The following PIWIL2 variants were observed in gnomAD, a reference collection of about 807,000 sequenced individuals.
PIWIL2 encodes piwi like RNA-mediated gene silencing 2, also known as piwi-like protein 2.
Under a neutral mutation model 116.5 loss-of-function variants are expected in PIWIL2, and 81 were observed. The observed-to-expected ratio is 0.70, with a 90% CI of 0.58 to 0.84. The LOEUF (loss-of-function observed/expected upper bound fraction) is 0.84. Ranked by LOEUF, PIWIL2 falls within the 40% of genes least tolerant of loss-of-function variation. PIWIL2 has a pLI of 0.00. For synonymous variants in PIWIL2, 489 were observed against 429.5 expected (o/e 1.14, Z -1.71); for missense variants, 1,272 against 1,212.3 (o/e 1.05, Z -0.73).
Position 22,304,274 on chromosome 8 carries a change from A to G in PIWIL2, c.1370+65A>G, listed in dbSNP as rs1230785529. 3 of 1,030,744 alleles carry G rather than the reference A, an allele frequency of 2.9e-6. No homozygotes were observed. In the African/African-American group the frequency reaches 4.8e-5, roughly 16 times the overall value. The allele number at this position is 1,030,744 out of a possible 1,614,324, so 63.8% of individuals were successfully genotyped here. A position where few individuals can be genotyped will look rare whatever the true frequency, so the allele number is the denominator to read the frequency against. The stretch of plus-strand genomic sequence containing the variant: ...TTGGATGTAGTCCACGTTCTCCAGC[A>G]GATATTGAGTTCTGCAATAGCATAC... On this transcript the variant is annotated intron_variant, in intron 11 of 22. Transcript: ENST00000356766.
intron 7 of PIWIL2, 59 bp downstream of exon 7, chr8:22,287,704 T>C: frequency 9.0e-7 from 1 of 1,105,522 alleles, no homozygotes; most frequent in Non-Finnish European, 1.4e-6. Flanking sequence ...TGGCGTTTTT[T>C]GTTTGGTTTT....
chr8:22,326,217 A>G (rs1482289131), intron 20 of PIWIL2, among the ~76,000 whole-genome samples: 1 of 152,088 alleles, frequency 6.6e-6, no homozygotes, highest in Non-Finnish European at 1.5e-5. Context: ...GCTTTAAAAA[A>G]AAAAAAAATT....
At chr8:22,325,094 A>G (rs776204830) in intron 20 of PIWIL2, among the ~76,000 whole-genome samples, 1 of 152,196 alleles carries the variant, frequency 6.6e-6, no homozygotes, top group South Asian at 2.1e-4. Context: ...TAGGAATACT[A>G]CATCAGGTAG....
At chr8:22,288,446 T>G (rs1830680571) in intron 7 of PIWIL2, 96 bp from the exon 8 acceptor site, 3 of 897,654 alleles carry the variant, frequency 3.3e-6, no homozygotes, top group Admixed American at 2.7e-5. Context: ...TTAAGATACT[T>G]TAGTGTTCTT....
At chr8:22,340,886 AT>A (rs1171118924) in intron 20 of PIWIL2, among the ~76,000 whole-genome samples, 2 of 151,826 alleles carry the variant, frequency 1.3e-5, no homozygotes, top group African/African-American at 2.4e-5. Context: ...TAATTTTTTA[AT>A]TTTTTTGTAA....
At chr8:22,312,039 G>A (rs1831344959) in intron 16 of PIWIL2, among the ~76,000 whole-genome samples, 3 of 151,996 alleles carry the variant, frequency 2.0e-5, no homozygotes, top group Non-Finnish European at 2.9e-5. Flanking sequence ...TGAGGTGGGC[G>A]GGTTGCTTGA....
intron 20 of PIWIL2, among the ~76,000 whole-genome samples, chr8:22,350,489 A>G (rs1298492812): frequency 6.6e-6 from 1 of 151,990 alleles, no homozygotes; most frequent in Non-Finnish European, 1.5e-5. Context: ...CCAGCTACTC[A>G]GGAGGCTGAG....
At chr8:22,323,165 T>TTTG (rs1831643428) in intron 20 of PIWIL2, among the ~76,000 whole-genome samples, 1 of 146,930 alleles carries the variant, frequency 6.8e-6, no homozygotes, top group African/African-American at 2.5e-5. Context: ...TTTTTTTTTT[T>TTTG]GAGACAGAGT....
intron 20 of PIWIL2, among the ~76,000 whole-genome samples, chr8:22,340,106 G>T (rs573030242): frequency 4.5e-4 from 56 of 123,754 alleles, no homozygotes; most frequent in African/African-American, 1.6e-3. Flanking sequence ...AGGCTGAAGT[G>T]CAATGGTGCA....
intron 20 of PIWIL2, among the ~76,000 whole-genome samples, chr8:22,323,384 G>A (rs753666104): frequency 4.1e-4 from 63 of 152,032 alleles, no homozygotes; most frequent in South Asian, 8.3e-4. Context: ...CTGACCTCGT[G>A]ATCCGCCGGC....
chr8:22,334,267 G>T (rs755952265), intron 20 of PIWIL2, among the ~76,000 whole-genome samples: 5 of 151,814 alleles, frequency 3.3e-5, no homozygotes, highest in Admixed American at 6.6e-5. Context: ...GAGACACCAC[G>T]CCTGGCCCTG....
intron 20 of PIWIL2, among the ~76,000 whole-genome samples, chr8:22,325,773 C>T (rs1049131409): frequency 2.6e-5 from 4 of 152,060 alleles, no homozygotes; most frequent in Non-Finnish European, 4.4e-5. Flanking sequence ...TGTGACCCAT[C>T]GCGCCCAGCC....
intron 1 of PIWIL2, among the ~76,000 whole-genome samples, chr8:22,278,164 G>A (rs572614569): frequency 2.0e-5 from 3 of 148,838 alleles, no homozygotes; most frequent in Non-Finnish European, 3.0e-5. Context: ...GTGAAACTCC[G>A]TCTAAAAAAA....
rs143386233 is a variant in PIWIL2 at position 22,330,421 on chromosome 8, G to A, written c.2403+12146G>A. Among the ~76,000 whole-genome samples the A allele has an allele frequency of 4.6e-4, 70 of 152,206 alleles. 2 individuals carry two copies. The East Asian group carries it at 4.8e-3, about 10-fold the overall frequency. ...AATATTTAAAATAGTTGATATAGCC[G>A]GGCGTGGTGGCTCACGCCTATAATC... On this transcript the variant is annotated intron_variant, in intron 20 of 22. Transcript: ENST00000356766.
chr8:22,328,818 G>GTTTTTTTTTTTT (rs57027657), intron 20 of PIWIL2, among the ~76,000 whole-genome samples: 4 of 107,174 alleles, frequency 3.7e-5, no homozygotes, highest in Non-Finnish European at 7.3e-5. Context: ...AGCTCTAGTC[G>GTTTTTTTTTTTT]TTTTTTTTTT....
chr8:22,321,738 G>A (rs1228334427), intron 20 of PIWIL2: 2 of 233,880 alleles, frequency 8.6e-6, no homozygotes, highest in Non-Finnish European at 1.4e-5. Context: ...TTTTGATCAT[G>A]CCTCTCCCAG....
intron 20 of PIWIL2, among the ~76,000 whole-genome samples, chr8:22,319,917 G>A (rs1320653160): frequency 2.0e-5 from 3 of 152,148 alleles, no homozygotes; most frequent in Non-Finnish European, 4.4e-5. Flanking sequence ...CTAATCCAAG[G>A]GTGGCAAGGG....
chr8:22,301,455 C>T (rs1831047283), intron 10 of PIWIL2, among the ~76,000 whole-genome samples: 1 of 151,758 alleles, frequency 6.6e-6, no homozygotes, highest in African/African-American at 2.4e-5. Flanking sequence ...CACCACACAC[C>T]TGGCTGTTTT....
intron 13 of PIWIL2, among the ~76,000 whole-genome samples, chr8:22,307,563 G>A (rs1471957792): frequency 2.1e-5 from 3 of 140,056 alleles, no homozygotes; most frequent in Non-Finnish European, 3.0e-5. Context: ...GCTCACTGCA[G>A]CCTCAATCCC....
Sources: allele counts gnomAD v4.1 joint callset (sites outside exome capture counted in the v4.1 genomes callset), GRCh38; gene constraint gnomAD v4.1.1; transcripts MANE v1.5; gene names NCBI Gene and HGNC (gene_info 2026-07-23, HGNC 2026-07-21).